Variants in PCDHA1 observed in about 807,000 individuals in gnomAD.
The protein encoded by PCDHA1 is protocadherin alpha-1.
Under a neutral mutation model 61.3 loss-of-function variants are expected in PCDHA1, and 42 were observed. That is an observed-to-expected ratio of 0.69 (90% CI 0.54 to 0.89). The LOEUF is 0.89. Ranked by LOEUF, PCDHA1 falls within the 40% of genes least tolerant of loss-of-function variation. The pLI is 0.00. For synonymous variants in PCDHA1, 610 were observed against 553.8 expected (o/e 1.10, Z -1.43); for missense variants, 1,256 against 1,235.3 (o/e 1.02, Z -0.25).
intron 1 of PCDHA1, among the ~76,000 whole-genome samples, chr5:140,951,543 C>A (rs246041): frequency 1.3e-5 from 2 of 151,428 alleles, no homozygotes; most frequent in South Asian, 2.1e-4. Flanking sequence ...GAGCAAGGGA[C>A]GGGGGGAAGT....
chr5:140,788,717 A>G (rs1274923137), intron 1 of PCDHA1, 33 bp downstream of exon 1: 7 of 1,506,664 alleles, frequency 4.6e-6, no homozygotes, highest in Non-Finnish European at 6.2e-6. Flanking sequence ...GGCTTTAAAT[A>G]TTTTTCATAT....
chr5:140,820,913 T>C lies in PCDHA1; in HGVS notation c.2394+32229T>C, dbSNP rs2150108293. 2.0e-4 allele frequency among the ~76,000 whole-genome samples: 31 copies of C among 152,248 alleles called. No homozygotes were observed. The East Asian group carries it at 3.3e-3, about 16-fold the overall frequency. On this transcript the variant is annotated intron_variant, in intron 1 of 3. Transcript: ENST00000504120. Reference sequence around the variant, plus strand: ...ACGATTTACCAAAGTCGTTCTATTATGCTTTTGATTTCTAGAAAGCTGAAA... The same window carrying C: ...ACGATTTACCAAAGTCGTTCTATTACGCTTTTGATTTCTAGAAAGCTGAAA...
chr5:140,823,361 T>C lies in PCDHA1; in HGVS notation c.2394+34677T>C, dbSNP rs2150125012. The C allele has an allele frequency of 2.5e-6, 4 of 1,612,648 alleles. No homozygotes were observed. The South Asian group carries it at 3.3e-5, about 13-fold the overall frequency. On this transcript the variant is annotated intron_variant, in intron 1 of 3. Coordinates refer to ENST00000504120, the MANE Select transcript of PCDHA1 (RefSeq NM_018900.4). ...CCGCTGGACCACGAGGAAGTGGAGC[T>C]GCTGCAGTTCCAGGTGAGCGCGCGC...
At chr5:140,960,476 A>G (rs900807612) in intron 1 of PCDHA1, among the ~76,000 whole-genome samples, 3 of 152,178 alleles carry the variant, frequency 2.0e-5, no homozygotes, top group South Asian at 2.1e-4. Context: ...TCCTTCTTAC[A>G]CAGAGGTGTA....
chr5:140,945,947 ACCCTGAAAG>A (rs1554217229), intron 1 of PCDHA1, among the ~76,000 whole-genome samples: 1 of 152,132 alleles, frequency 6.6e-6, no homozygotes, highest in Admixed American at 6.5e-5. Flanking sequence ...TTTTTATATG[ACCCTGAAAG>A]CACAGGCAAT....
In PCDHA1 at chr5:141,012,021, A is replaced by T. The variant is rs1428323351; in HGVS notation, c.*2084A>T. 6.5e-6 allele frequency: 1 copy of T among 153,734 alleles called. No individual in the cohort carries two copies. The highest frequency in any genetic ancestry group is 1.5e-5 in the Non-Finnish European group (1 of 68,044). 9.5% of individuals were successfully genotyped at this position (153,734 alleles called of 1,614,324 possible). The stretch of plus-strand genomic sequence containing the variant: ...CATATTTTGAAGGGTGTGTAACTTC[A>T]GCTCTGCAGGATTGCATGGGGTAAA... On this transcript the variant is annotated 3_prime_UTR_variant, in exon 4 of 4. Transcript: ENST00000504120.
intron 1 of PCDHA1, chr5:140,967,968 G>A: frequency 3.1e-6 from 5 of 1,614,218 alleles, no homozygotes; most frequent in Non-Finnish European, 4.2e-6. Flanking sequence ...CGGAAAGTGA[G>A]CCTGGGTCTG....
intron 1 of PCDHA1, chr5:140,828,310 C>A (rs2150153849): frequency 1.9e-5 from 31 of 1,614,056 alleles, no homozygotes; most frequent in South Asian, 6.6e-5. Flanking sequence ...ACCGCGAGGA[C>A]CTTCTGGAGG....
At chr5:140,794,926 C>T (rs932665937) in intron 1 of PCDHA1, 4 of 1,556,648 alleles carry the variant, frequency 2.6e-6, no homozygotes, top group Admixed American at 4.1e-5. Context: ...TTTTGCAAAA[C>T]ATGCTCTTCT....
intron 1 of PCDHA1, among the ~76,000 whole-genome samples, chr5:140,873,969 A>T (rs1438036244): frequency 6.6e-6 from 1 of 152,224 alleles, no homozygotes; most frequent in Non-Finnish European, 1.5e-5. Context: ...CCTATTTTTT[A>T]AAATTAAAGT....
chr5:140,835,758 G>C, intron 1 of PCDHA1: 1 of 1,613,438 alleles, frequency 6.2e-7, no homozygotes, highest in East Asian at 2.2e-5. Flanking sequence ...CGCGCAGCCC[G>C]AGTATACGGT....
chr5:140,822,855 G>A (rs2150119838), intron 1 of PCDHA1: 1 of 1,614,216 alleles, frequency 6.2e-7, no homozygotes, highest in Non-Finnish European at 8.5e-7. Context: ...CTGTCAAAGA[G>A]GACGCTCCAC....
At chr5:140,976,992 A>G (rs1421149242) in intron 1 of PCDHA1, among the ~76,000 whole-genome samples, 3 of 152,200 alleles carry the variant, frequency 2.0e-5, no homozygotes, top group Admixed American at 2.0e-4. Context: ...TTACTGCCAT[A>G]AGAAATCTTG....
chr5:140,803,290 T>C (rs1554122687), intron 1 of PCDHA1: 1 of 1,614,038 alleles, frequency 6.2e-7, no homozygotes, highest in South Asian at 1.1e-5. Flanking sequence ...GATGTCAACG[T>C]GTACTTGATC....
At chr5:140,915,107 C>T (rs1461317939) in intron 1 of PCDHA1, among the ~76,000 whole-genome samples, 1 of 151,880 alleles carries the variant, frequency 6.6e-6, no homozygotes, top group African/African-American at 2.4e-5. Flanking sequence ...CACCACAACA[C>T]CCACCTAATT....
chr5:140,843,744 A>C, intron 1 of PCDHA1: 1 of 1,534,810 alleles, frequency 6.5e-7, no homozygotes, highest in Non-Finnish European at 8.9e-7. Context: ...AGAACTCATA[A>C]ATTCTATTTG....
At chr5:140,962,803 T>C (rs2095709614) in intron 1 of PCDHA1, among the ~76,000 whole-genome samples, 1 of 152,240 alleles carries the variant, frequency 6.6e-6, no homozygotes. Context: ...TGGACAACTC[T>C]AAACATCAGA....
intron 1 of PCDHA1, among the ~76,000 whole-genome samples, chr5:140,947,079 C>T (rs2094082344): frequency 6.6e-6 from 1 of 151,398 alleles, no homozygotes; most frequent in Non-Finnish European, 1.5e-5. Context: ...TGTATTGAAA[C>T]ATCAGACTGT....
At chr5:140,807,149 A>T (rs1448139533) in intron 1 of PCDHA1, 1 of 1,578,410 alleles carries the variant, frequency 6.3e-7, no homozygotes, top group Admixed American at 1.8e-5. Context: ...TGACTTTGAG[A>T]AACGATATTT....
Sources: gnomAD v4.1 joint callset for allele counts (sites outside exome capture counted in the v4.1 genomes callset) on GRCh38, gnomAD v4.1.1 for gene constraint, MANE v1.5 for transcripts, NCBI Gene and HGNC (gene_info 2026-07-23, HGNC 2026-07-21) for gene names.